EPHA7: variants seen among roughly 807,000 people sequenced by gnomAD.
The protein encoded by EPHA7 is EPH receptor A7, also known as ephrin type-A receptor 7.
Under a neutral mutation model 112.6 loss-of-function variants are expected in EPHA7, and 25 were observed. That is an observed-to-expected ratio of 0.22 (90% confidence interval 0.16 to 0.31). The LOEUF (loss-of-function observed/expected upper bound fraction) is 0.31, where lower values mean the gene tolerates loss of function less well. Among genes scored for constraint, EPHA7 ranks in the 10% least tolerant of loss-of-function variants. EPHA7 has a pLI of 1.00. For missense variants in EPHA7, 962 were observed against 1,212.6 expected (o/e 0.79, Z 3.07); for synonymous variants, 437 against 406.5 (o/e 1.07, Z -0.90).
intron 5 of EPHA7, among the ~76,000 whole-genome samples, chr6:93,293,244 T>C (rs1352335544): frequency 6.6e-6 from 1 of 151,860 alleles, no homozygotes; most frequent in East Asian, 1.9e-4. Flanking sequence ...TAATCTTATT[T>C]AGGTATTTTT....
chr6:93,411,206 C>G (rs1326921495), intron 2 of EPHA7, 36 bp from the exon 3 acceptor site: 1 of 1,543,786 alleles, frequency 6.5e-7, no homozygotes, highest in Non-Finnish European at 8.8e-7. Flanking sequence ...AGTCATTCAG[C>G]AAAAAATAAC....
At chr6:93,291,247 C>G (rs1005508763) in intron 5 of EPHA7, among the ~76,000 whole-genome samples, 1 of 152,128 alleles carries the variant, frequency 6.6e-6, no homozygotes, top group East Asian at 1.9e-4. Context: ...GGAATACTCT[C>G]TACAGTTTGT....
intron 2 of EPHA7, among the ~76,000 whole-genome samples, chr6:93,414,172 G>C (rs1229470767): frequency 6.6e-6 from 1 of 151,774 alleles, no homozygotes; most frequent in Non-Finnish European, 1.5e-5. Flanking sequence ...ACAGCGGATA[G>C]CACATAATAT....
intron 3 of EPHA7, among the ~76,000 whole-genome samples, chr6:93,398,608 A>G (rs1204218377): frequency 1.3e-5 from 2 of 152,150 alleles, no homozygotes; most frequent in South Asian, 2.1e-4. Flanking sequence ...AAGAAATCAG[A>G]TGGAACAGGG....
intron 2 of EPHA7, among the ~76,000 whole-genome samples, chr6:93,411,976 A>AT (rs2127995581): frequency 6.6e-6 from 1 of 152,240 alleles, no homozygotes; most frequent in East Asian, 1.9e-4. Context: ...ACAAATCTAT[A>AT]TTAAATATTT....
intron 3 of EPHA7, among the ~76,000 whole-genome samples, chr6:93,378,703 TACAAAAGTGGAGGCTC>T (rs1562139065): frequency 4.6e-5 from 7 of 152,096 alleles, no homozygotes; most frequent in African/African-American, 1.7e-4. Context: ...TTAGACAGAT[TACAAAAGTGGAGGCTC>T]AGAGAGATTA....
chr6:93,334,596 C>CT (rs1774764981), intron 5 of EPHA7, among the ~76,000 whole-genome samples: 1 of 152,028 alleles, frequency 6.6e-6, no homozygotes, highest in African/African-American at 2.4e-5. Flanking sequence ...ATCTAAAACA[C>CT]TTTCCAACTA....
intron 5 of EPHA7, among the ~76,000 whole-genome samples, chr6:93,339,219 G>T (rs1775024214): frequency 1.3e-5 from 2 of 151,452 alleles, no homozygotes; most frequent in Non-Finnish European, 3.0e-5. Context: ...CTCATTAATT[G>T]GTAAAATTTT....
chr6:93,281,583 C>G (rs570686520), intron 5 of EPHA7, among the ~76,000 whole-genome samples: 1 of 152,140 alleles, frequency 6.6e-6, no homozygotes, highest in Non-Finnish European at 1.5e-5. Flanking sequence ...TACATGTCTA[C>G]GCACACACAC....
intron 5 of EPHA7, among the ~76,000 whole-genome samples, chr6:93,344,813 C>G (rs1015786867): frequency 6.6e-6 from 1 of 151,636 alleles, no homozygotes. Flanking sequence ...CTGGCCTGGC[C>G]ACCCCTCTTT....
chr6:93,282,509 C>A (rs1276912955), intron 5 of EPHA7, among the ~76,000 whole-genome samples: 1 of 152,262 alleles, frequency 6.6e-6, no homozygotes. Context: ...CCCTCACTCA[C>A]TCTTGGCGCC....
chr6:93,394,683 G>A (rs1423691330), intron 3 of EPHA7, among the ~76,000 whole-genome samples: 2 of 151,670 alleles, frequency 1.3e-5, no homozygotes, highest in Non-Finnish European at 3.0e-5. Context: ...CTGATGAGGT[G>A]AACAAAAATC....
intron 3 of EPHA7, among the ~76,000 whole-genome samples, chr6:93,366,749 C>T (rs778874308): frequency 6.6e-5 from 10 of 152,122 alleles, no homozygotes; most frequent in South Asian, 4.2e-4. Context: ...TCTGTGTTTC[C>T]GAAGATGTGC....
chr6:93,373,850 T>TA (rs370575852), intron 3 of EPHA7, among the ~76,000 whole-genome samples: 20 of 148,450 alleles, frequency 1.3e-4, no homozygotes, highest in South Asian at 6.3e-4. Context: ...TTACAAAAGG[T>TA]AAAAAAAAAA....
rs1769722066 is a variant in EPHA7, at chr6:93,242,287, G to A, written c.*1139C>T. On this transcript the variant is annotated 3_prime_UTR_variant, in exon 17 of 17. Coordinates refer to ENST00000369303, the MANE Select transcript of EPHA7 (RefSeq NM_004440.4). Reference sequence around the variant, plus strand: ...TTGTTTTGTTTTGAACTGCAATGGTGATATTCTGTGCAGCAAATTTGTGTT... The same window carrying A: ...TTGTTTTGTTTTGAACTGCAATGGTAATATTCTGTGCAGCAAATTTGTGTT... 4.9e-6 allele frequency: 1 copy of A among 203,622 alleles called. No individual in the cohort carries two copies. The highest frequency in any genetic ancestry group is 6.0e-5 in the Admixed American group (1 of 16,708). 12.6% of individuals were successfully genotyped at this position (203,622 alleles called of 1,614,324 possible).
At chr6:93,292,234 A>G (rs372160447) in intron 5 of EPHA7, among the ~76,000 whole-genome samples, 13 of 152,130 alleles carry the variant, frequency 8.5e-5, no homozygotes, top group East Asian at 7.7e-4. Flanking sequence ...CCTTGCCCCC[A>G]ACTTATTACT....
chr6:93,317,892 T>A (rs1297269178), intron 5 of EPHA7, among the ~76,000 whole-genome samples: 1 of 152,180 alleles, frequency 6.6e-6, no homozygotes, highest in Non-Finnish European at 1.5e-5. Context: ...TACATATGAA[T>A]TGGAACTCTT....
At chr6:93,257,418 C>A in intron 12 of EPHA7, 44 bp downstream of exon 12, 2 of 1,417,366 alleles carry the variant, frequency 1.4e-6, no homozygotes, top group Non-Finnish European at 9.7e-7. Context: ...ATATTGGTAG[C>A]AAGCATAGTA....
chr6:93,256,505 A>G (rs1770446283), intron 12 of EPHA7, among the ~76,000 whole-genome samples: 2 of 152,132 alleles, frequency 1.3e-5, no homozygotes, highest in Non-Finnish European at 2.9e-5. Flanking sequence ...AAGAGAAACT[A>G]AAATGTAGAA....
Sources: gnomAD v4.1 joint callset for allele counts (sites outside exome capture counted in the v4.1 genomes callset) on GRCh38, gnomAD v4.1.1 for gene constraint, MANE v1.5 for transcripts, NCBI Gene and HGNC (gene_info 2026-07-23, HGNC 2026-07-21) for gene names.